Variants in TSHZ2 observed in about 807,000 individuals in gnomAD.
TSHZ2 encodes teashirt zinc finger homeobox 2.
Under a neutral mutation model 74.4 loss-of-function variants are expected in TSHZ2, and 21 were observed. That is an observed-to-expected ratio of 0.28 (90% CI 0.20 to 0.41). The LOEUF (loss-of-function observed/expected upper bound fraction) is 0.41. Among genes scored for constraint, TSHZ2 ranks in the 10% least tolerant of loss-of-function variants. TSHZ2 has a pLI of 1.00. For missense variants in TSHZ2, 1,244 were observed against 1,293.5 expected, an observed-to-expected ratio of 0.96 and a Z score of 0.59; for synonymous variants, 540 against 515.3, an observed-to-expected ratio of 1.05 and a Z score of -0.65.
chr20:53,330,284 A>G (rs566010075), intron 2 of TSHZ2, among the ~76,000 whole-genome samples: 1 of 152,180 alleles, frequency 6.6e-6, no homozygotes, highest in Non-Finnish European at 1.5e-5. Context: ...AGCTTCCCCC[A>G]GTGCTTGCAT....
intron 2 of TSHZ2, among the ~76,000 whole-genome samples, chr20:53,291,519 T>G (rs186718868): frequency 6.7e-6 from 1 of 150,328 alleles, no homozygotes; most frequent in Admixed American, 6.6e-5. Flanking sequence ...TGGGTTCAGT[T>G]AGGATTCTCA....
At chr20:53,471,439 A>T (rs1985795410) in intron 2 of TSHZ2, among the ~76,000 whole-genome samples, 1 of 152,166 alleles carries the variant, frequency 6.6e-6, no homozygotes, top group African/African-American at 2.4e-5. Context: ...ACTAAACTCA[A>T]AATTATATAT....
At chr20:53,021,933 TTAAG>T (rs1295800317) in intron 1 of TSHZ2, among the ~76,000 whole-genome samples, 2 of 152,222 alleles carry the variant, frequency 1.3e-5, no homozygotes, top group Non-Finnish European at 1.5e-5. Context: ...AGTATGTTTA[TTAAG>T]TATTTTTCTT....
At chr20:53,187,816 G>T (rs1385322724) in intron 1 of TSHZ2, among the ~76,000 whole-genome samples, 1 of 152,120 alleles carries the variant, frequency 6.6e-6, no homozygotes, top group African/African-American at 2.4e-5. Flanking sequence ...TGAGGGAAAA[G>T]GGTGGTGCTA....
At chr20:53,237,815 G>A (rs766306752) in intron 1 of TSHZ2, among the ~76,000 whole-genome samples, 9 of 152,046 alleles carry the variant, frequency 5.9e-5, no homozygotes, top group Non-Finnish European at 1.0e-4. Context: ...TCTATCTATC[G>A]TCTCAATGAG....
chr20:53,155,527 C>G (rs1987775063), intron 1 of TSHZ2, among the ~76,000 whole-genome samples: 1 of 151,704 alleles, frequency 6.6e-6, no homozygotes, highest in Admixed American at 6.6e-5. Context: ...GACAGTCTCC[C>G]AGGGCACAGG....
At chr20:53,265,646 G>A (rs916570704) in intron 2 of TSHZ2, among the ~76,000 whole-genome samples, 7 of 152,200 alleles carry the variant, frequency 4.6e-5, no homozygotes, top group Admixed American at 3.3e-4. Flanking sequence ...TTATTCCTGA[G>A]AATTGGTGAC....
chr20:53,261,919 T>G (rs1990607959), intron 2 of TSHZ2, among the ~76,000 whole-genome samples: 1 of 152,144 alleles, frequency 6.6e-6, no homozygotes, highest in African/African-American at 2.4e-5. Context: ...GAGGGGAAAA[T>G]AAAGAGCTAA....
rs182935450 is a variant in TSHZ2 at position 53,242,243 on chromosome 20, C to A, written c.41-11256C>A. ...GCCTCTACCTGCCAGATACCAGCAACACCGCTTCTCTAGGTATAGCAACCA... is the reference window on the plus strand; with the variant it reads ...GCCTCTACCTGCCAGATACCAGCAAAACCGCTTCTCTAGGTATAGCAACCA... On this transcript the variant is annotated intron_variant, in intron 1 of 2. Transcript: ENST00000371497. Among the ~76,000 whole-genome samples, 373 of 152,216 alleles carry A rather than the reference C, an allele frequency of 2.5e-3. 3 individuals carry two copies. The highest frequency in any genetic ancestry group is 8.6e-3 in the African/African-American group (358 of 41,538).
intron 2 of TSHZ2, among the ~76,000 whole-genome samples, chr20:53,318,248 C>T (rs1238592154): frequency 6.6e-6 from 1 of 152,174 alleles, no homozygotes; most frequent in East Asian, 1.9e-4. Context: ...AAAGATCCTT[C>T]TGGTAGGAGA....
intron 2 of TSHZ2, among the ~76,000 whole-genome samples, chr20:53,275,502 G>T (rs373417345): frequency 1.3e-5 from 2 of 152,216 alleles, no homozygotes; most frequent in East Asian, 3.9e-4. Context: ...GATTTAGAGG[G>T]GTGGAGGTGA....
At chr20:53,338,070 A>T (rs1980027847) in intron 2 of TSHZ2, among the ~76,000 whole-genome samples, 1 of 152,228 alleles carries the variant, frequency 6.6e-6, no homozygotes, top group Non-Finnish European at 1.5e-5. Flanking sequence ...GAGCAGGGAC[A>T]CACCATAGTG....
chr20:53,214,318 G>T (rs1989384927), intron 1 of TSHZ2, among the ~76,000 whole-genome samples: 1 of 152,188 alleles, frequency 6.6e-6, no homozygotes, highest in Admixed American at 6.5e-5. Context: ...AAATATGTCA[G>T]ATTATTAAAT....
intron 1 of TSHZ2, among the ~76,000 whole-genome samples, chr20:53,169,583 A>G (rs1988143949): frequency 1.3e-5 from 2 of 152,282 alleles, no homozygotes; most frequent in African/African-American, 4.8e-5. Context: ...GCATATAGTA[A>G]GCCCCTCAAA....
chr20:53,459,819 C>A (rs1306675829), intron 2 of TSHZ2, among the ~76,000 whole-genome samples: 1 of 149,952 alleles, frequency 6.7e-6, no homozygotes, highest in African/African-American at 2.5e-5. Flanking sequence ...ACTTATGAAG[C>A]TTAGTTTGGC....
chr20:53,098,520 C>A (rs1436408648), intron 1 of TSHZ2, among the ~76,000 whole-genome samples: 1 of 152,178 alleles, frequency 6.6e-6, no homozygotes, highest in Non-Finnish European at 1.5e-5. Flanking sequence ...CCTAAATGAG[C>A]AATTGCATAC....
intron 1 of TSHZ2, among the ~76,000 whole-genome samples, chr20:53,025,473 G>A (rs1810947504): frequency 6.6e-6 from 1 of 152,090 alleles, no homozygotes; most frequent in Admixed American, 6.6e-5. Flanking sequence ...GTATCCAGTT[G>A]CATAGGCACA....
At chr20:53,184,689 T>C (rs2123521582) in intron 1 of TSHZ2, among the ~76,000 whole-genome samples, 1 of 152,236 alleles carries the variant, frequency 6.6e-6, no homozygotes, top group East Asian at 1.9e-4. Flanking sequence ...TTTTAATAAT[T>C]TTTATTGTTT....
At chr20:53,019,547 A>AG (rs1290687145) in intron 1 of TSHZ2, among the ~76,000 whole-genome samples, 3 of 152,108 alleles carry the variant, frequency 2.0e-5, no homozygotes, top group African/African-American at 7.2e-5. Flanking sequence ...GAATGTCCAG[A>AG]GGTGGTGCCT....
Sources: gnomAD v4.1 joint callset for allele counts (sites outside exome capture counted in the v4.1 genomes callset) on GRCh38, gnomAD v4.1.1 for gene constraint, MANE v1.5 for transcripts, NCBI Gene and HGNC (gene_info 2026-07-23, HGNC 2026-07-21) for gene names.